Variants in CHL1 observed in about 807,000 individuals in gnomAD.
CHL1 encodes neural cell adhesion molecule L1-like protein.
A neutral mutation model predicts 141.9 loss-of-function variants in CHL1; 96 were observed. The ratio of observed to expected loss-of-function variants is 0.68; its 90% confidence interval spans 0.57 to 0.80. CHL1 has a LOEUF of 0.80. Ranked by LOEUF, CHL1 falls within the 30% of genes least tolerant of loss-of-function variation. The pLI is 0.00. For synonymous variants in CHL1, 613 were observed against 502.2 expected, an observed-to-expected ratio of 1.22 and a Z score of -2.95; for missense variants, 1,820 against 1,457.2, an observed-to-expected ratio of 1.25 and a Z score of -4.05.
chr3:389,434 G>A lies in CHL1; in HGVS notation c.2430G>A (p.Gly810=), dbSNP rs760154150. The change falls in exon 20 of 28, where the codon GGG becomes GGA. Residue 810 remains glycine (G), a synonymous_variant. Transcript: ENST00000256509. ...KVQAINQLGS[G]PDPQSVTLYS... ...AGGCTATCAATCAACTAGGATCTGG[G>A]CCTGACCCTCAGTCAGTGACTCTCT... 1 of 1,614,182 alleles carries A rather than the reference G, an allele frequency of 6.2e-7. No individual in the cohort carries two copies. The highest frequency in any genetic ancestry group is 8.5e-7 in the Non-Finnish European group (1 of 1,180,032).
intron 7 of CHL1, 45 bp from the exon 8 acceptor site, chr3:342,939 T>A (rs368767666): frequency 3.9e-5 from 58 of 1,483,816 alleles, no homozygotes; most frequent in African/African-American, 3.3e-4. Flanking sequence ...GATATCAGCA[T>A]CCACCATTAT....
At chr3:282,009 A>G (rs530268803) in intron 2 of CHL1, among the ~76,000 whole-genome samples, 4 of 152,238 alleles carry the variant, frequency 2.6e-5, no homozygotes, top group East Asian at 1.9e-4. Flanking sequence ...TATGTCTTAT[A>G]TAATTACTGA....
At chr3:223,647 A>G (rs1173358653) in intron 1 of CHL1, among the ~76,000 whole-genome samples, 2 of 152,244 alleles carry the variant, frequency 1.3e-5, no homozygotes, top group African/African-American at 4.8e-5. Flanking sequence ...TGGATAGGGC[A>G]AATTCACTGA....
chr3:243,564 A>G (rs748486752), intron 1 of CHL1, among the ~76,000 whole-genome samples: 15 of 152,130 alleles, frequency 9.9e-5, no homozygotes, highest in Non-Finnish European at 2.1e-4. Flanking sequence ...CTTTTCTTAT[A>G]CTTGCCAGGG....
chr3:382,146 A>T, intron 16 of CHL1, 33 bp from the exon 17 acceptor site: 3 of 1,564,296 alleles, frequency 1.9e-6, no homozygotes, highest in Non-Finnish European at 2.6e-6. Context: ...AACAAAGGCA[A>T]TTATCTACAT....
At chr3:352,565 A>G (rs1703360195) in intron 10 of CHL1, among the ~76,000 whole-genome samples, 1 of 152,174 alleles carries the variant, frequency 6.6e-6, no homozygotes, top group Non-Finnish European at 1.5e-5. Flanking sequence ...TAGATAAAAG[A>G]ATGGGTTTCT....
intron 9 of CHL1, among the ~76,000 whole-genome samples, chr3:348,343 A>C (rs987969837): frequency 2.6e-5 from 4 of 152,220 alleles, no homozygotes; most frequent in African/African-American, 9.6e-5. Context: ...TAATAACAAG[A>C]AGAAATATGG....
At chr3:282,895 G>C (rs1165890881) in intron 2 of CHL1, 3 of 152,036 alleles carry the variant, frequency 2.0e-5, no homozygotes, top group African/African-American at 7.3e-5. Flanking sequence ...CTGTTTTCTG[G>C]ACTATACTGT....
rs146691346 is a variant in CHL1 at position 216,555 on chromosome 3, C to G, written c.-175+19492C>G. Among the ~76,000 whole-genome samples the G allele has an allele frequency of 1.3e-4, 20 of 152,304 alleles. No individual in the cohort carries two copies. In the East Asian group the frequency reaches 3.9e-3, roughly 29 times the overall value. On this transcript the variant is annotated intron_variant, in intron 1 of 27. Transcript: ENST00000256509. ...ACCAACCCTGTCTATTAAAAAAAGT[C>G]TGTGCTTACAGATGTCTTGTGTGAG...
intron 1 of CHL1, among the ~76,000 whole-genome samples, chr3:219,009 C>T (rs1161405329): frequency 1.3e-5 from 2 of 151,994 alleles, no homozygotes; most frequent in African/African-American, 2.4e-5. Context: ...ATTAGCTGGG[C>T]ATGGTGGCGG....
intron 15 of CHL1, among the ~76,000 whole-genome samples, chr3:369,449 T>C (rs1705340261): frequency 6.6e-6 from 1 of 152,254 alleles, no homozygotes; most frequent in African/African-American, 2.4e-5. Flanking sequence ...ACATTGATTT[T>C]GTATCCTGAG....
intron 19 of CHL1, among the ~76,000 whole-genome samples, chr3:386,229 G>A (rs1200011099): frequency 6.9e-6 from 1 of 144,004 alleles, no homozygotes. Flanking sequence ...AAAAAAAGCT[G>A]ATCTTTCCCA....
At chr3:280,423 A>C (rs1696537708) in intron 2 of CHL1, among the ~76,000 whole-genome samples, 1 of 152,234 alleles carries the variant, frequency 6.6e-6, no homozygotes, top group African/African-American at 2.4e-5. Flanking sequence ...AGCAAACTGA[A>C]GAGCCACAAA....
chr3:382,266 A>C lies in CHL1; in HGVS notation c.1964A>C (p.Asn655Thr). 6.2e-7 allele frequency: 1 copy of C among 1,613,578 alleles called. No individual in the cohort carries two copies. Among genetic ancestry groups the C allele is most frequent in the Non-Finnish European group, 8.5e-7 (1 of 1,179,572 alleles). ...ACCTGGGAAGCTGGAGCTGACCACA[A>C]CAGCAATATTAGCGGTAGGAAGACT... ...RLTWEAGADH[N>T]SNISEYIVEF... Residue 655 changes from asparagine (N) to threonine (T), a missense_variant, in exon 17 of 28, where the codon AAC becomes ACC. Coordinates refer to ENST00000256509, the MANE Select transcript of CHL1 (RefSeq NM_006614.4).
At chr3:310,741 A>G (rs1699687157) in intron 2 of CHL1, among the ~76,000 whole-genome samples, 1 of 152,202 alleles carries the variant, frequency 6.6e-6, no homozygotes, top group Non-Finnish European at 1.5e-5. Context: ...ACATATCAAT[A>G]ACGCCCCAAA....
intron 1 of CHL1, among the ~76,000 whole-genome samples, chr3:204,405 T>G (rs769204534): frequency 1.3e-5 from 2 of 152,238 alleles, no homozygotes; most frequent in Admixed American, 1.3e-4. Flanking sequence ...TCTTCTTTGT[T>G]ATAGTTGTAT....
At chr3:328,386 AGT>A (rs766989175) in intron 5 of CHL1, 32 bp downstream of exon 5, 98 of 1,543,472 alleles carry the variant, frequency 6.3e-5, no homozygotes, top group Non-Finnish European at 8.0e-5. Flanking sequence ...TCATTTTACA[AGT>A]GTTTTAGTGA....
intron 1 of CHL1, among the ~76,000 whole-genome samples, chr3:242,191 A>G (rs933446559): frequency 1.1e-4 from 17 of 152,140 alleles, no homozygotes; most frequent in Non-Finnish European, 2.5e-4. Context: ...ATGTATATAT[A>G]TATGTGTGTG....
intron 5 of CHL1, among the ~76,000 whole-genome samples, chr3:335,849 AG>A (rs759820689): frequency 6.6e-6 from 1 of 152,208 alleles, no homozygotes; most frequent in East Asian, 1.9e-4. Flanking sequence ...CAGCAGCAGA[AG>A]AAAACTCCCT....
Sources: gnomAD v4.1 joint callset for allele counts (sites outside exome capture counted in the v4.1 genomes callset) on GRCh38, gnomAD v4.1.1 for gene constraint, MANE v1.5 for transcripts, NCBI Gene and HGNC (gene_info 2026-07-23, HGNC 2026-07-21) for gene names.